The following ARHGEF7 variants were observed in gnomAD, a reference collection of about 807,000 sequenced individuals.
ARHGEF7 encodes PAK-interacting exchange factor beta.
In ARHGEF7, 33 loss-of-function variants were observed where a neutral mutation model predicts 109.8. The ratio of observed to expected loss-of-function variants is 0.30; its 90% CI spans 0.23 to 0.40. ARHGEF7 has a LOEUF of 0.40. Ranked by LOEUF, ARHGEF7 falls within the 10% of genes least tolerant of loss-of-function variation. ARHGEF7 has a pLI of 1.00. For synonymous variants in ARHGEF7, 458 were observed against 424.6 expected (o/e 1.08, Z -0.97); for missense variants, 938 against 1,098.5 (o/e 0.85, Z 2.07).
chr13:111,195,666 C>T (rs1413516010), intron 2 of ARHGEF7, among the ~76,000 whole-genome samples: 1 of 152,178 alleles, frequency 6.6e-6, no homozygotes, highest in East Asian at 1.9e-4. Context: ...GCCCAGAGAA[C>T]CATTGCACTC....
intron 11 of ARHGEF7, 116 bp from the exon 12 acceptor site, chr13:111,275,416 C>T (rs184366751): frequency 1.7e-6 from 2 of 1,162,716 alleles, no homozygotes; most frequent in Admixed American, 2.2e-5. Context: ...AATTATCTGT[C>T]TGAAGAAGTA....
At chr13:111,248,347 TTG>T (rs2089241893) in intron 8 of ARHGEF7, among the ~76,000 whole-genome samples, 1 of 152,228 alleles carries the variant, frequency 6.6e-6, no homozygotes, top group African/African-American at 2.4e-5. Flanking sequence ...TTTTAGGTTT[TTG>T]GCATTTTGAC....
chr13:111,216,138 G>C (rs768000645), intron 4 of ARHGEF7, among the ~76,000 whole-genome samples: 3 of 152,184 alleles, frequency 2.0e-5, no homozygotes, highest in Non-Finnish European at 4.4e-5. Flanking sequence ...TATGTCTTCT[G>C]TCAAATTTGG....
At chr13:111,222,844 G>C (rs1732278271) in intron 5 of ARHGEF7, among the ~76,000 whole-genome samples, 1 of 152,220 alleles carries the variant, frequency 6.6e-6, no homozygotes, top group South Asian at 2.1e-4. Flanking sequence ...CAGTACAGCA[G>C]ACTTCCCTCT....
chr13:111,154,757 C>T (rs1197297390), intron 2 of ARHGEF7, among the ~76,000 whole-genome samples: 1 of 152,200 alleles, frequency 6.6e-6, no homozygotes, highest in African/African-American at 2.4e-5. Context: ...TGGGGTAGCA[C>T]TTTAAATACA....
intron 6 of ARHGEF7, among the ~76,000 whole-genome samples, chr13:111,242,745 G>A (rs764993953): frequency 7.9e-5 from 12 of 152,234 alleles, no homozygotes; most frequent in Non-Finnish European, 1.6e-4. Context: ...TGGGGCCGCT[G>A]TCTGGCTCTG....
chr13:111,128,451 C>T (rs969874376), intron 1 of ARHGEF7, among the ~76,000 whole-genome samples: 12 of 152,104 alleles, frequency 7.9e-5, no homozygotes, highest in African/African-American at 2.9e-4. Context: ...CAAGATTGTG[C>T]CACTGCACTC....
intron 5 of ARHGEF7, among the ~76,000 whole-genome samples, chr13:111,220,700 C>T (rs940298704): frequency 2.6e-5 from 4 of 152,148 alleles, no homozygotes; most frequent in East Asian, 1.9e-4. Context: ...CAGCAGAGGA[C>T]GCCCTCCAAA....
Position 111,163,313 on chromosome 13 carries a change from T to C in ARHGEF7, c.252+9322T>C, listed in dbSNP as rs531812599. 3.6e-3 allele frequency among the ~76,000 whole-genome samples: 543 copies of C among 152,326 alleles called. 1 individual carries two copies. The highest frequency in any genetic ancestry group is 0.011 in the African/African-American group (440 of 41,568). ...AGTGTCAAGAGATGGCCCTCTGTCT[T>C]GTACCTTAGTGCCTTGCTGTACTGT... On this transcript the variant is annotated intron_variant, in intron 2 of 21. Coordinates refer to ENST00000646102, the MANE Select transcript of ARHGEF7 (RefSeq NM_001354046.2).
At chr13:111,133,812 T>TATAAAA (rs1555341569) in intron 1 of ARHGEF7, among the ~76,000 whole-genome samples, 17 of 62,564 alleles carry the variant, frequency 2.7e-4, no homozygotes, top group Non-Finnish European at 3.6e-4. Context: ...TATATATATA[T>TATAAAA]ATTTATTATA....
chr13:111,188,701 G>T (rs550048197), intron 2 of ARHGEF7, among the ~76,000 whole-genome samples: 1 of 152,228 alleles, frequency 6.6e-6, no homozygotes, highest in Non-Finnish European at 1.5e-5. Context: ...ATACTGTGTT[G>T]ATAAGTCTTC....
At chr13:111,267,821 G>A (rs1595367147) in intron 9 of ARHGEF7, 151 bp downstream of exon 9, 3 of 971,574 alleles carry the variant, frequency 3.1e-6, no homozygotes, top group Non-Finnish European at 4.4e-6. Flanking sequence ...AGAAGTACTG[G>A]TAAGAAGTCT....
chr13:111,203,082 C>G, intron 2 of ARHGEF7: 1 of 1,282,008 alleles, frequency 7.8e-7, no homozygotes, highest in Non-Finnish European at 1.0e-6. Flanking sequence ...TCCTGTTATT[C>G]TGGGTTTTGT....
At chr13:111,254,265 G>A (rs142790094) in intron 8 of ARHGEF7, among the ~76,000 whole-genome samples, 201 of 152,318 alleles carry the variant, frequency 1.3e-3, no homozygotes, top group African/African-American at 4.8e-3. Context: ...TAAATAAATC[G>A]GTTAACTGCA....
chr13:111,150,508 T>A (rs766432444), intron 1 of ARHGEF7, among the ~76,000 whole-genome samples: 1 of 152,242 alleles, frequency 6.6e-6, no homozygotes, highest in Non-Finnish European at 1.5e-5. Context: ...GCATTGTTTT[T>A]TTACATTGTT....
intron 1 of ARHGEF7, among the ~76,000 whole-genome samples, chr13:111,118,658 C>G (rs1290205785): frequency 1.3e-5 from 2 of 152,056 alleles, no homozygotes; most frequent in African/African-American, 2.4e-5. Flanking sequence ...TTAAACATCC[C>G]TAGGGTATTT....
chr13:111,196,113 C>T (rs1440195778), intron 2 of ARHGEF7, among the ~76,000 whole-genome samples: 1 of 152,180 alleles, frequency 6.6e-6, no homozygotes, highest in African/African-American at 2.4e-5. Flanking sequence ...CTCCTGTAGC[C>T]AGTCGAGGAA....
chr13:111,246,817 A>G (rs777749645), intron 8 of ARHGEF7, among the ~76,000 whole-genome samples: 7 of 152,226 alleles, frequency 4.6e-5, no homozygotes, highest in Non-Finnish European at 1.0e-4. Context: ...TTGGCTGTAG[A>G]TAATGTGGTC....
chr13:111,148,956 A>G (rs555033287), intron 1 of ARHGEF7, among the ~76,000 whole-genome samples: 11 of 152,232 alleles, frequency 7.2e-5, no homozygotes, highest in Non-Finnish European at 1.5e-4. Context: ...TGCGTTTTCA[A>G]GTATTTATTT....
Sources: allele counts gnomAD v4.1 joint callset (sites outside exome capture counted in the v4.1 genomes callset), GRCh38; gene constraint gnomAD v4.1.1; transcripts MANE v1.5; gene names NCBI Gene and HGNC (gene_info 2026-07-23, HGNC 2026-07-21).